Variants in CTNNA2 observed in about 807,000 individuals in gnomAD.
CTNNA2 encodes catenin alpha-2.
CTNNA2 carries 42 observed loss-of-function variants against 101.0 expected under a neutral mutation model. The observed-to-expected ratio is 0.42, with a 90% CI of 0.32 to 0.54. The LOEUF (loss-of-function observed/expected upper bound fraction) is 0.54. Among genes scored for constraint, CTNNA2 ranks in the 20% least tolerant of loss-of-function variants. The probability of loss-of-function intolerance (pLI) is 0.14; values close to 1 mark genes in which losing one functional copy is unlikely to be tolerated. For synonymous variants in CTNNA2, 450 were observed against 456.4 expected, an observed-to-expected ratio of 0.99 and a Z score of 0.18; for missense variants, 871 against 1,223.1, an observed-to-expected ratio of 0.71 and a Z score of 4.29.
At chr2:79,977,195 C>T (rs922036994) in intron 7 of CTNNA2, among the ~76,000 whole-genome samples, 2 of 149,966 alleles carry the variant, frequency 1.3e-5, no homozygotes, top group African/African-American at 4.9e-5. Context: ...TGCAAACGTA[C>T]ACACACACGT....
At chr2:79,406,953 C>A (rs1358895024) in intron 4 of CTNNA2, among the ~76,000 whole-genome samples, 3 of 151,986 alleles carry the variant, frequency 2.0e-5, no homozygotes, top group Non-Finnish European at 2.9e-5. Context: ...AGCAAGGTAA[C>A]CACTCTGAGC....
At chr2:79,678,814 T>C in intron 2 of CTNNA2, among the ~76,000 whole-genome samples, 1 of 152,342 alleles carries the variant, frequency 6.6e-6, no homozygotes, top group Non-Finnish European at 1.5e-5. Flanking sequence ...GAGAAAAGTT[T>C]ATATTTCTCT....
chr2:79,415,454 TA>T (rs1469454361), intron 4 of CTNNA2, among the ~76,000 whole-genome samples: 2 of 152,258 alleles, frequency 1.3e-5, no homozygotes, highest in East Asian at 1.9e-4. Context: ...AAGAATAAAC[TA>T]ATACACTCCC....
chr2:79,515,423 T>C (rs2103843238), intron 1 of CTNNA2, among the ~76,000 whole-genome samples: 1 of 152,328 alleles, frequency 6.6e-6, no homozygotes, highest in African/African-American at 2.4e-5. Context: ...TTCAGAGTTG[T>C]GAATGTGGGG....
chr2:80,378,891 G>T (rs567037137), intron 7 of CTNNA2: 1 of 152,220 alleles, frequency 6.6e-6, no homozygotes, highest in Non-Finnish European at 1.5e-5. Flanking sequence ...CTGATCTGTC[G>T]TGGTATCGGG....
chr2:79,365,304 A>G (rs550284346), intron 3 of CTNNA2, among the ~76,000 whole-genome samples: 2 of 152,132 alleles, frequency 1.3e-5, no homozygotes, highest in African/African-American at 4.8e-5. Context: ...GAATAAATTA[A>G]ACCTGCAAAT....
At chr2:80,456,347 G>T (rs1683977093) in intron 9 of CTNNA2, among the ~76,000 whole-genome samples, 1 of 152,156 alleles carries the variant, frequency 6.6e-6, no homozygotes, top group South Asian at 2.1e-4. Flanking sequence ...TATTGCTGTG[G>T]CTTCTGTGTG....
chr2:80,344,509 C>A (rs1672541798), intron 7 of CTNNA2, among the ~76,000 whole-genome samples: 1 of 152,162 alleles, frequency 6.6e-6, no homozygotes, highest in Non-Finnish European at 1.5e-5. Context: ...TGTCTTCCCT[C>A]AGTCTCACTC....
At chr2:79,534,401 T>C (rs1672928657) in intron 1 of CTNNA2, among the ~76,000 whole-genome samples, 1 of 152,102 alleles carries the variant, frequency 6.6e-6, no homozygotes, top group Admixed American at 6.5e-5. Flanking sequence ...GGCCATATTG[T>C]TTGTTATAAC....
At chr2:80,204,172 C>A (rs1390441805) in intron 7 of CTNNA2, among the ~76,000 whole-genome samples, 1 of 152,248 alleles carries the variant, frequency 6.6e-6, no homozygotes, top group African/African-American at 2.4e-5. Context: ...AGTTCTCTAA[C>A]ATGCCCTGGA....
At chr2:80,433,929 A>G (rs1681781725) in intron 9 of CTNNA2, among the ~76,000 whole-genome samples, 1 of 152,206 alleles carries the variant, frequency 6.6e-6, no homozygotes, top group South Asian at 2.1e-4. Context: ...GAAATTTGAG[A>G]GTAACAATTA....
chr2:80,116,902 A>AGT (rs112383959), intron 7 of CTNNA2, among the ~76,000 whole-genome samples: 6,578 of 143,570 alleles, frequency 0.046, 181 homozygotes, highest in Middle Eastern at 0.064. Context: ...AGAAGAAAAT[A>AGT]GTGTGTGTGT....
At chr2:80,523,993 G>A (rs1331588645) in intron 9 of CTNNA2, among the ~76,000 whole-genome samples, 1 of 152,142 alleles carries the variant, frequency 6.6e-6, no homozygotes, top group Admixed American at 6.6e-5. Flanking sequence ...CAAAAGCATA[G>A]CATAAGACTT....
chr2:79,253,006 C>T (rs1221193421), intron 2 of CTNNA2, among the ~76,000 whole-genome samples: 1 of 152,098 alleles, frequency 6.6e-6, no homozygotes, highest in Non-Finnish European at 1.5e-5. Flanking sequence ...TGTTATAAAG[C>T]CTTTCCTTAG....
rs1487656694 is a variant in CTNNA2, at chr2:80,336,880, T to C, written c.1057-56331T>C. Among the ~76,000 whole-genome samples the C allele has an allele frequency of 3.3e-5, 5 of 152,146 alleles. No homozygotes were observed. The East Asian group carries it at 5.8e-4, about 18-fold the overall frequency. On this transcript the variant is annotated intron_variant, in intron 7 of 18. Transcript: ENST00000402739. ...TCTCAAAGTCAAGGAAATGCACTCATGTGGGAAAGAAGTGGAGATATTCAA... is the reference window on the plus strand; with the variant it reads ...TCTCAAAGTCAAGGAAATGCACTCACGTGGGAAAGAAGTGGAGATATTCAA...
Position 79,858,001 on chromosome 2 carries a change from T to G in CTNNA2, c.299-12T>G. 2 of 1,605,816 alleles carry G rather than the reference T, an allele frequency of 1.2e-6. No individual in the cohort carries two copies. The highest frequency in any genetic ancestry group is 1.7e-6 in the Non-Finnish European group (2 of 1,173,088). ...TTGTCTACCCACCTGCCTCTCCGTG[T>G]CTGTCTTCCAGGTGAGACGATGCGG... On this transcript the variant is annotated splice_polypyrimidine_tract_variant and intron_variant, in intron 3 of 18. Transcript: ENST00000402739.
intron 2 of CTNNA2, among the ~76,000 whole-genome samples, chr2:79,250,312 A>G (rs1674754155): frequency 6.6e-6 from 1 of 152,062 alleles, no homozygotes; most frequent in African/African-American, 2.4e-5. Flanking sequence ...ATCTGTCTCT[A>G]TGTTGGGCTC....
intron 4 of CTNNA2, among the ~76,000 whole-genome samples, chr2:79,865,671 T>A (rs1682021145): frequency 6.6e-6 from 1 of 152,228 alleles, no homozygotes; most frequent in Non-Finnish European, 1.5e-5. Flanking sequence ...TGGTAGACTC[T>A]GCATAAATAT....
intron 3 of CTNNA2, among the ~76,000 whole-genome samples, chr2:79,315,359 A>T (rs888455165): frequency 2.0e-5 from 3 of 152,180 alleles, no homozygotes; most frequent in Admixed American, 2.0e-4. Context: ...GAACATTTTC[A>T]TTACAACCAA....
Sources: allele counts gnomAD v4.1 joint callset (sites outside exome capture counted in the v4.1 genomes callset), GRCh38; gene constraint gnomAD v4.1.1; transcripts MANE v1.5; gene names NCBI Gene and HGNC (gene_info 2026-07-23, HGNC 2026-07-21).